PDLIM5: variants seen among roughly 807,000 people sequenced by gnomAD.
PDLIM5 encodes PDZ and LIM domain 5.
PDLIM5 carries 34 observed loss-of-function variants against 64.2 expected under a neutral mutation model. That is an observed-to-expected ratio of 0.53 (90% confidence interval 0.40 to 0.71). The LOEUF (loss-of-function observed/expected upper bound fraction) is 0.71, where lower values mean the gene tolerates loss of function less well. Ranked by LOEUF, PDLIM5 falls within the 30% of genes least tolerant of loss-of-function variation. PDLIM5 has a pLI of 0.00. For missense variants in PDLIM5, 683 were observed against 733.6 expected (o/e 0.93, Z 0.80); for synonymous variants, 253 against 269.1 (o/e 0.94, Z 0.59).
Position 94,640,276 on chromosome 4 carries a change from T to G in PDLIM5, c.1109T>G (p.Val370Gly). ...SPSWQRPNQG[V>G]PSTGRISNSA... ...CTGATTCTTCTGTTTTAACTCCTAG[T>G]ACCTTCCACTGGAAGAATCTCAAAC... Residue 370 changes from valine (V) to glycine (G), a missense_variant and splice_region_variant, in exon 9 of 13, where the codon GTA becomes GGA. Coordinates refer to ENST00000317968, the MANE Select transcript of PDLIM5 (RefSeq NM_006457.5). The G allele has an allele frequency of 6.3e-7, 1 of 1,580,724 alleles. No individual in the cohort carries two copies. Among genetic ancestry groups the G allele is most frequent in the Non-Finnish European group, 8.7e-7 (1 of 1,152,194 alleles).
intron 7 of PDLIM5, among the ~76,000 whole-genome samples, chr4:94,600,619 T>C (rs568536422): frequency 6.6e-6 from 1 of 152,342 alleles, no homozygotes; most frequent in South Asian, 2.1e-4. Context: ...GGCAGATTTT[T>C]GTCACATATA....
At chr4:94,633,157 T>A (rs1331969613) in intron 8 of PDLIM5, among the ~76,000 whole-genome samples, 1 of 152,192 alleles carries the variant, frequency 6.6e-6, no homozygotes, top group Non-Finnish European at 1.5e-5. Flanking sequence ...TATCTTGAAT[T>A]TGTTTCAAAA....
intron 2 of PDLIM5, among the ~76,000 whole-genome samples, chr4:94,476,086 C>T (rs1725298180): frequency 1.3e-5 from 2 of 152,146 alleles, no homozygotes; most frequent in Non-Finnish European, 2.9e-5. Flanking sequence ...ACAAATATGT[C>T]ATAAATATAA....
rs57625095 is a variant in PDLIM5, at chr4:94,527,046, C to CTT, written c.248+3198_248+3199dup. Reference sequence around the variant, plus strand: ...CATTGCGCCCGGCCTGAACAGCATTCTTTTTTTTTTTTTTTTTTTTTTTTT... The same window carrying CTT: ...CATTGCGCCCGGCCTGAACAGCATTCTTTTTTTTTTTTTTTTTTTTTTTTTTT... On this transcript the variant is annotated intron_variant, in intron 3 of 12. Coordinates refer to ENST00000317968, the MANE Select transcript of PDLIM5 (RefSeq NM_006457.5). Among the ~76,000 whole-genome samples the CTT allele has an allele frequency of 8.5e-3, 490 of 57,814 alleles. 92 individuals are homozygous for CTT. Among genetic ancestry groups the CTT allele is most frequent in the Middle Eastern group, 0.013 (1 of 76 alleles). The allele number at this position is 57,814 out of a possible 152,430, so 37.9% of individuals were successfully genotyped here. A position where few individuals can be genotyped will look rare whatever the true frequency, so the allele number is the denominator to read the frequency against.
At chr4:94,657,609 A>G (rs1742310265) in intron 11 of PDLIM5, 62 bp downstream of exon 11, 10 of 1,256,106 alleles carry the variant, frequency 8.0e-6, no homozygotes, top group Middle Eastern at 3.8e-4. Flanking sequence ...TAACCCTTAT[A>G]TTACTATAAA....
intron 2 of PDLIM5, among the ~76,000 whole-genome samples, chr4:94,472,679 G>A (rs1417816831): frequency 6.6e-6 from 1 of 152,124 alleles, no homozygotes; most frequent in African/African-American, 2.4e-5. Flanking sequence ...ACTAGGATGA[G>A]TGCCTCCCTA....
chr4:94,654,500 G>T lies in PDLIM5; in HGVS notation c.1324G>T (p.Glu442Ter), dbSNP rs377346480. ...GGCACTGGGGAAATCTTGGCACCCA[G>T]AAGAATTCAACTGCGCTCACTGCAA... ...LVALGKSWHP[E>*]EFNCAHCKNT... is the part of the protein sequence containing the mutation. Residue 442 changes from glutamate (E) to a stop codon, truncating the protein, a stop_gained, in exon 10 of 13, where the codon GAA (glutamate) becomes TAA (stop). Transcript: ENST00000317968. LOFTEE classifies it high-confidence loss of function. 1.2e-6 allele frequency: 2 copies of T among 1,612,906 alleles called. No homozygotes were observed. Among genetic ancestry groups the T allele is most frequent in the Non-Finnish European group, 1.7e-6 (2 of 1,178,978 alleles).
At chr4:94,661,596 G>A (rs1005331383) in intron 11 of PDLIM5, among the ~76,000 whole-genome samples, 1 of 152,086 alleles carries the variant, frequency 6.6e-6, no homozygotes, top group African/African-American at 2.4e-5. Context: ...GGCTAATATC[G>A]TTGTGATACA....
intron 2 of PDLIM5, among the ~76,000 whole-genome samples, chr4:94,469,091 G>C (rs1265660618): frequency 6.6e-6 from 1 of 152,204 alleles, no homozygotes; most frequent in Non-Finnish European, 1.5e-5. Context: ...AGACACAAAA[G>C]TAGTAGTGGC....
intron 3 of PDLIM5, among the ~76,000 whole-genome samples, chr4:94,532,951 T>C (rs960316939): frequency 1.3e-5 from 2 of 152,070 alleles, no homozygotes; most frequent in Non-Finnish European, 2.9e-5. Context: ...TGCAGTGAGC[T>C]GAGATCGCAC....
At chr4:94,661,761 A>G (rs1344590499) in intron 11 of PDLIM5, among the ~76,000 whole-genome samples, 1 of 152,008 alleles carries the variant, frequency 6.6e-6, no homozygotes, top group Non-Finnish European at 1.5e-5. Context: ...GCTAGTTATT[A>G]GAAGTCCTTT....
chr4:94,485,945 T>G (rs1726293508), intron 2 of PDLIM5, among the ~76,000 whole-genome samples: 1 of 151,842 alleles, frequency 6.6e-6, no homozygotes, highest in Admixed American at 6.6e-5. Flanking sequence ...TGGTGAAAGG[T>G]CAGTCAATTA....
intron 4 of PDLIM5, among the ~76,000 whole-genome samples, chr4:94,574,090 C>A (rs1395594117): frequency 6.6e-6 from 1 of 152,154 alleles, no homozygotes; most frequent in Non-Finnish European, 1.5e-5. Context: ...CTGAGAATAT[C>A]TGAAATCTGA....
chr4:94,512,181 C>T (rs1000868339), intron 2 of PDLIM5, among the ~76,000 whole-genome samples: 6 of 152,012 alleles, frequency 3.9e-5, no homozygotes, highest in Admixed American at 2.0e-4. Context: ...CCACCACACC[C>T]GGCTAATTTT....
chr4:94,569,158 A>AGGGTGAT (rs1356068379), intron 3 of PDLIM5, among the ~76,000 whole-genome samples: 1 of 152,192 alleles, frequency 6.6e-6, no homozygotes, highest in Non-Finnish European at 1.5e-5. Context: ...GTTAGAAGAG[A>AGGGTGAT]GGGTGATACT....
At chr4:94,631,698 G>A (rs1740160254) in intron 8 of PDLIM5, among the ~76,000 whole-genome samples, 2 of 152,274 alleles carry the variant, frequency 1.3e-5, no homozygotes, top group South Asian at 2.1e-4. Flanking sequence ...TAATGCATAA[G>A]GACATAGTTT....
intron 9 of PDLIM5, among the ~76,000 whole-genome samples, chr4:94,648,189 T>TA (rs1031818061): frequency 4.0e-5 from 6 of 151,250 alleles, no homozygotes; most frequent in Admixed American, 6.6e-5. Flanking sequence ...ATCGAGAATT[T>TA]AAAAAAAATC....
At chr4:94,631,026 C>G (rs1030532670) in intron 8 of PDLIM5, among the ~76,000 whole-genome samples, 1 of 151,696 alleles carries the variant, frequency 6.6e-6, no homozygotes, top group African/African-American at 2.4e-5. Context: ...TCCTGCCTCA[C>G]ATCCCTGAGT....
intron 7 of PDLIM5, among the ~76,000 whole-genome samples, chr4:94,593,405 G>GT (rs1736825125): frequency 6.6e-6 from 1 of 152,176 alleles, no homozygotes; most frequent in South Asian, 2.1e-4. Flanking sequence ...TCTGGAGACT[G>GT]TAAGTTCTAG....
Sources: allele counts gnomAD v4.1 joint callset (sites outside exome capture counted in the v4.1 genomes callset), GRCh38; gene constraint gnomAD v4.1.1; transcripts MANE v1.5; gene names NCBI Gene and HGNC (gene_info 2026-07-23, HGNC 2026-07-21).